The following DNAJC13 variants were observed in gnomAD, a reference collection of about 807,000 sequenced individuals.
DNAJC13 encodes dnaJ homolog subfamily C member 13.
A neutral mutation model predicts 290.5 loss-of-function variants in DNAJC13; 75 were observed. The observed-to-expected ratio is 0.26, with a 90% CI of 0.21 to 0.31. The LOEUF (loss-of-function observed/expected upper bound fraction) is 0.31. DNAJC13 is among the 10% of genes least tolerant of loss of function. The pLI is 1.00. For synonymous variants in DNAJC13, 862 were observed against 892.0 expected (o/e 0.97, Z 0.60); for missense variants, 2,260 against 2,674.5 (o/e 0.85, Z 3.42).
At chr3:132,510,801 C>T (rs1391135751) in intron 43 of DNAJC13, among the ~76,000 whole-genome samples, 2 of 152,040 alleles carry the variant, frequency 1.3e-5, no homozygotes, top group Admixed American at 6.6e-5. Flanking sequence ...CTATCTGTTA[C>T]TTCGATTGAT....
intron 13 of DNAJC13, chr3:132,458,421 A>G (rs1933686259): frequency 6.6e-6 from 1 of 152,138 alleles, no homozygotes. Flanking sequence ...TGATATGGAG[A>G]GTTGCTTTAT....
rs767339806 is a variant in DNAJC13 at position 132,514,608 on chromosome 3, A to G, written c.5423A>G (p.Asn1808Ser). 5 of 1,612,050 alleles carry G rather than the reference A, an allele frequency of 3.1e-6. No individual in the cohort carries two copies. Among genetic ancestry groups the G allele is most frequent in the Admixed American group, 3.3e-5 (2 of 59,754 alleles). ...NIVTSNQDCV[N>S]NIAESMVLSS... ...GTGACATCTAACCAAGACTGTGTCA[A>G]CAATATTGCTGAATCAATGGTTTTG... The change falls in exon 46 of 56, where the codon AAC becomes AGC. Residue 1808 changes from asparagine (N) to serine (S), a missense_variant. Asn to Ser is a conservative substitution (Grantham distance 46). This residue lies in a region of DNAJC13 where 1,494 missense variants were observed against 1,693.7 expected (regional missense o/e 0.88). Coordinates refer to ENST00000260818, the MANE Select transcript of DNAJC13 (RefSeq NM_015268.4).
intron 15 of DNAJC13, 112 bp from the exon 16 acceptor site, chr3:132,462,355 T>C: frequency 1.0e-6 from 1 of 955,238 alleles, no homozygotes; most frequent in Non-Finnish European, 1.6e-6. Flanking sequence ...TTTACTAATT[T>C]TGTGGCTTAT....
rs201467302 is a variant in DNAJC13, at chr3:132,442,006, G to GTT, written c.69-4459_69-4458dup. ...ATAGAGTATCTGACCTAACACATTG[G>GTT]TTTTTTTTTTTATTTTGCCTAAACA... On this transcript the variant is annotated intron_variant, in intron 2 of 55. Coordinates refer to ENST00000260818, the MANE Select transcript of DNAJC13 (RefSeq NM_015268.4). 6.3e-3 allele frequency among the ~76,000 whole-genome samples: 917 copies of GTT among 145,154 alleles called. 9 individuals carry two copies. Among genetic ancestry groups the GTT allele is most frequent in the East Asian group, 0.029 (146 of 5,026 alleles).
At chr3:132,438,569 A>G (rs1449522142) in intron 2 of DNAJC13, among the ~76,000 whole-genome samples, 2 of 152,224 alleles carry the variant, frequency 1.3e-5, no homozygotes, top group Non-Finnish European at 2.9e-5. Context: ...ACCTAGCCCC[A>G]GCATTTCAGA....
intron 17 of DNAJC13, 115 bp from the exon 18 acceptor site, chr3:132,465,880 A>G: frequency 1.6e-6 from 1 of 634,046 alleles, no homozygotes; most frequent in Admixed American, 3.0e-5. Flanking sequence ...CATCGGAATG[A>G]TTTTTTTACT....
At chr3:132,430,766 GGTTTCTTTTCAGCAA>G (rs1430911976) in intron 1 of DNAJC13, among the ~76,000 whole-genome samples, 2 of 152,090 alleles carry the variant, frequency 1.3e-5, no homozygotes, top group African/African-American at 4.8e-5. Flanking sequence ...ATACTGCCCA[GGTTTCTTTTCAGCAA>G]TATCATTTAC....
At chr3:132,534,116 G>A (rs1445312021) in intron 55 of DNAJC13, among the ~76,000 whole-genome samples, 3 of 152,170 alleles carry the variant, frequency 2.0e-5, no homozygotes, top group Admixed American at 2.0e-4. Flanking sequence ...AGCAAGTTCT[G>A]TACAGGTCTG....
At chr3:132,480,598 G>A in intron 26 of DNAJC13, 128 bp downstream of exon 26, 1 of 626,052 alleles carries the variant, frequency 1.6e-6, no homozygotes, top group South Asian at 2.2e-5. Context: ...AGTAGTACTA[G>A]TTCTGAGATT....
chr3:132,518,166 G>C (rs776284292), intron 48 of DNAJC13, among the ~76,000 whole-genome samples: 3 of 152,092 alleles, frequency 2.0e-5, no homozygotes, highest in Non-Finnish European at 4.4e-5. Context: ...CCATTAACTC[G>C]TCAATAGTGT....
chr3:132,484,811 C>A, intron 29 of DNAJC13, 139 bp downstream of exon 29: 1 of 728,868 alleles, frequency 1.4e-6, no homozygotes. Context: ...TCTCACACCT[C>A]CAATCCCAGC....
rs62292952 is a variant in DNAJC13 at position 132,481,875 on chromosome 3, T to G, written c.2875-351T>G. 0.092 allele frequency among the ~76,000 whole-genome samples: 14,084 copies of G among 152,274 alleles called. 812 individuals carry two copies. The highest frequency in any genetic ancestry group is 0.14 in the South Asian group (683 of 4,826). ...GCTTAAGATTAATGATACGTATCTA[T>G]TTACATAACTATTTGCAATATTCTT... On this transcript the variant is annotated intron_variant, in intron 26 of 55. Coordinates refer to ENST00000260818, the MANE Select transcript of DNAJC13 (RefSeq NM_015268.4).
At chr3:132,473,093 A>G in intron 20 of DNAJC13, 52 bp from the exon 21 acceptor site, 1 of 1,217,938 alleles carries the variant, frequency 8.2e-7, no homozygotes, top group South Asian at 1.3e-5. Context: ...CTTCTGACTA[A>G]GCCTATTTGG....
chr3:132,471,353 C>G (rs1341052651), intron 20 of DNAJC13, among the ~76,000 whole-genome samples: 1 of 144,804 alleles, frequency 6.9e-6, no homozygotes, highest in African/African-American at 2.5e-5. Flanking sequence ...TGACCCCCCC[C>G]CACCTCCCTC....
chr3:132,442,194 G>A (rs958792035), intron 2 of DNAJC13, among the ~76,000 whole-genome samples: 2 of 151,434 alleles, frequency 1.3e-5, no homozygotes, highest in African/African-American at 4.9e-5. Flanking sequence ...TTTTCAACAT[G>A]GGGTCTGCCA....
At chr3:132,468,163 T>A in intron 20 of DNAJC13, among the ~76,000 whole-genome samples, 1 of 152,230 alleles carries the variant, frequency 6.6e-6, no homozygotes, top group East Asian at 1.9e-4. Flanking sequence ...AGAACCTGAT[T>A]CAGTAATGCA....
chr3:132,434,590 T>C lies in DNAJC13; in HGVS notation c.40T>C (p.Tyr14His), dbSNP rs1256049222. 5.0e-6 allele frequency: 8 copies of C among 1,611,434 alleles called. No homozygotes were observed. Among genetic ancestry groups the C allele is most frequent in the Non-Finnish European group, 6.8e-6 (8 of 1,179,128 alleles). ...GGAAAATAAGGATCTGGCATGTTTC[T>C]ACACAACAAAACATTCATGGAGGGG... ...IRENKDLACFYTTKHSWRGKY... is the reference protein window; with the variant it reads ...IRENKDLACFHTTKHSWRGKY... The change falls in exon 2 of 56, where the codon TAC (tyrosine) becomes CAC (histidine). Residue 14 changes from tyrosine (Y) to histidine (H), a missense_variant. Around this residue, in one of 3 missense-constraint regions of DNAJC13, gnomAD observed 762 missense variants for 964.1 expected, o/e 0.79. Transcript: ENST00000260818.
chr3:132,503,354 A>G lies in DNAJC13; in HGVS notation c.4857A>G (p.Arg1619=), dbSNP rs747604368. The G allele has an allele frequency of 1.1e-5, 18 of 1,614,022 alleles. No individual in the cohort carries two copies. In the African/African-American group the frequency reaches 2.3e-4, roughly 20 times the overall value. Reference sequence around the variant, plus strand: ...GCATGCTGACACCCTATGTTGCTAGAAAACTTGCTGTGGCTAGTGTGACTG... The same window carrying G: ...GCATGCTGACACCCTATGTTGCTAGGAAACTTGCTGTGGCTAGTGTGACTG... ...LAGMLTPYVA[R]KLAVASVTEI... is the part of the protein sequence containing the mutation. Residue 1619 remains arginine (R), a synonymous_variant, in exon 41 of 56, where the codon AGA becomes AGG. Transcript: ENST00000260818.
chr3:132,531,330 A>T (rs1315582527), intron 55 of DNAJC13, among the ~76,000 whole-genome samples: 2 of 152,210 alleles, frequency 1.3e-5, no homozygotes, highest in Admixed American at 6.5e-5. Context: ...TTCAGTTTTG[A>T]TCCAGTTAAT....
Sources: gnomAD v4.1 joint callset for allele counts (sites outside exome capture counted in the v4.1 genomes callset) on GRCh38, gnomAD v4.1.1 for gene constraint, gnomAD v4.1.1 regional missense constraint, MANE v1.5 for transcripts, NCBI Gene and HGNC (gene_info 2026-07-23, HGNC 2026-07-21) for gene names.